The following NUP160 variants were observed in gnomAD, a reference collection of about 807,000 sequenced individuals.
NUP160 encodes the protein nuclear pore complex protein Nup160.
NUP160 carries 94 observed loss-of-function variants against 196.9 expected under a neutral mutation model. That is an observed-to-expected ratio of 0.48 (90% CI 0.40 to 0.57). The LOEUF (loss-of-function observed/expected upper bound fraction) is 0.57. Ranked by LOEUF, NUP160 falls within the 20% of genes least tolerant of loss-of-function variation. The probability of loss-of-function intolerance (pLI) is 0.00; values close to 1 mark genes in which losing one functional copy is unlikely to be tolerated. For missense variants in NUP160, 1,638 were observed against 1,748.3 expected (o/e 0.94, Z 1.13); for synonymous variants, 605 against 619.7 (o/e 0.98, Z 0.35).
chr11:47,778,684 T>C (rs1758361957), exon 36 of NUP160: 1 of 163,498 alleles, frequency 6.1e-6, no homozygotes. Flanking sequence ...ACCAAAATAA[T>C]TGCATTAAAA....
exon 36 of NUP160, chr11:47,779,062 T>C (rs1356440401): frequency 1.4e-6 from 2 of 1,435,030 alleles, no homozygotes; most frequent in East Asian, 2.3e-5. Flanking sequence ...TCTTAAGTCC[T>C]AAGAGGCACC....
chr11:47,813,141 AATCT>A (rs2097682122), intron 14 of NUP160, 94 bp from the exon 15 acceptor site: 3 of 1,062,662 alleles, frequency 2.8e-6, no homozygotes, highest in South Asian at 3.0e-5. Flanking sequence ...AATGACAAGA[AATCT>A]ATCTGAGGTC....
intron 11 of NUP160, 141 bp downstream of exon 11, chr11:47,817,915 T>C: frequency 1.8e-6 from 1 of 549,108 alleles, no homozygotes; most frequent in Non-Finnish European, 3.3e-6. Flanking sequence ...TTAAAAAAAT[T>C]ATAAAAGTAT....
At chr11:47,782,215 C>T (rs544213249) in intron 34 of NUP160, among the ~76,000 whole-genome samples, 3 of 148,058 alleles carry the variant, frequency 2.0e-5, no homozygotes, top group Admixed American at 6.8e-5. Context: ...ACCCGGGAGG[C>T]GGAGGCTGCA....
In NUP160 at chr11:47,785,103, T is replaced by TTTTTTTTTTTTTTTTTTTTGAGACGG; in HGVS notation, c.3849-41_3849-40insCCGTCTCAAAAAAAAAAAAAAAAAAA. 15 of 1,086,542 alleles carry TTTTTTTTTTTTTTTTTTTTGAGACGG rather than the reference T, an allele frequency of 1.4e-5. 1 individual carries two copies. The highest frequency in any genetic ancestry group is 1.9e-5 in the Non-Finnish European group (15 of 771,752). The allele number at this position is 1,086,542 out of a possible 1,614,324, so 67.3% of individuals were successfully genotyped here. A position where few individuals can be genotyped will look rare whatever the true frequency, so the allele number is the denominator to read the frequency against. ...AAATGACTAATGAGTTTCAGATTCT[T>TTTTTTTTTTTTTTTTTTTTGAGACGG]AATAGCTATTTAGAGTACCATTCAA... On this transcript the variant is annotated intron_variant, in intron 32 of 35. Coordinates refer to ENST00000378460, the Ensembl canonical transcript of NUP160.
chr11:47,792,527 A>G lies in NUP160; in HGVS notation c.3450+259T>C, dbSNP rs2097668456. On this transcript the variant is annotated intron_variant, in intron 28 of 35. Transcript: ENST00000378460. The stretch of plus-strand genomic sequence containing the variant: ...GCCAGAGAATGACAAAAGATTAAGT[A>G]ACTTGTCTGAATTGGGTCAGGTCTA... 31 of 343,862 alleles carry G rather than the reference A, an allele frequency of 9.0e-5. No individual in the cohort carries two copies. The South Asian group carries it at 1.4e-3, about 16-fold the overall frequency. 21.3% of individuals were successfully genotyped at this position (343,862 alleles called of 1,614,324 possible). A position where few individuals can be genotyped will look rare whatever the true frequency, so the allele number is the denominator to read the frequency against.
chr11:47,805,972 CCTGA>C (rs1378900975), intron 20 of NUP160, among the ~76,000 whole-genome samples, 177 bp downstream of exon 20: 1 of 151,870 alleles, frequency 6.6e-6, no homozygotes, highest in Non-Finnish European at 1.5e-5. Context: ...GGCCACCACG[CCTGA>C]CTAATTTTTG....
chr11:47,782,291 A>T (rs1466133574), intron 34 of NUP160, among the ~76,000 whole-genome samples: 2 of 31,004 alleles, frequency 6.5e-5, no homozygotes, highest in Non-Finnish European at 1.2e-4. Flanking sequence ...AACTCAGTTA[A>T]AAAAAAAAAA....
intron 17 of NUP160, among the ~76,000 whole-genome samples, chr11:47,810,306 T>A (rs2135373011): frequency 6.6e-6 from 1 of 152,100 alleles, no homozygotes; most frequent in Non-Finnish European, 1.5e-5. Flanking sequence ...CAGGTAATTC[T>A]CCCATCTCAG....
intron 7 of NUP160, among the ~76,000 whole-genome samples, chr11:47,824,306 T>TA (rs897478694): frequency 7.9e-5 from 12 of 151,420 alleles, no homozygotes; most frequent in Admixed American, 1.3e-4. Flanking sequence ...CTCACTGTGG[T>TA]AAAAAAAATT....
At chr11:47,780,538 C>CA in intron 34 of NUP160, 91 bp from the exon 35 acceptor site, 2 of 614,130 alleles carry the variant, frequency 3.3e-6, no homozygotes, top group East Asian at 6.9e-5. Flanking sequence ...GAATAAAATA[C>CA]CCTTTTTTTT....
chr11:47,841,495 G>T, intron 2 of NUP160: 1 of 406,626 alleles, frequency 2.5e-6, no homozygotes, highest in Non-Finnish European at 4.9e-6. Context: ...TGAAGCTCTA[G>T]ATTGGGTCAT....
intron 2 of NUP160, among the ~76,000 whole-genome samples, chr11:47,842,097 C>A (rs990081646): frequency 6.6e-6 from 1 of 151,992 alleles, no homozygotes; most frequent in Non-Finnish European, 1.5e-5. Context: ...CATATGTGAC[C>A]TTGCCTTCCT....
At chr11:47,787,102 A>ATTTTTTT (rs2097664972) in intron 31 of NUP160, 2 of 7,240 alleles carry the variant, frequency 2.8e-4, no homozygotes, top group Non-Finnish European at 1.1e-3. Context: ...TTTTTTTTTA[A>ATTTTTTT]ATTAAGATGG....
chr11:47,779,263 A>C (rs560746533), intron 35 of NUP160, 69 bp from the exon 36 acceptor site: 2 of 999,670 alleles, frequency 2.0e-6, no homozygotes, highest in Non-Finnish European at 3.0e-6. Flanking sequence ...GTTATTAATA[A>C]CTTTGACTTC....
chr11:47,817,951 C>G (rs1851771575), intron 11 of NUP160, 105 bp downstream of exon 11: 1 of 607,446 alleles, frequency 1.6e-6, no homozygotes, highest in African/African-American at 1.9e-5. Context: ...TGTATGAATA[C>G]AGAAGTACAT....
chr11:47,798,061 A>G lies in NUP160; in HGVS notation c.3100T>C (p.Leu1034=), dbSNP rs1299439585. The G allele has an allele frequency of 6.3e-7, 1 of 1,581,018 alleles. No homozygotes were observed. The highest frequency in any genetic ancestry group is 8.6e-7 in the Non-Finnish European group (1 of 1,160,754). ...CAAAGAACTACCACCAACTGCCGTA[A>G]ACAATCTAATTGCCTAGAAGGAAAG... The change falls in exon 26 of 36, where the codon TTA becomes CTA. Residue 1034 remains leucine (L), a synonymous_variant. Transcript: ENST00000378460.
chr11:47,841,400 A>AC, intron 2 of NUP160: 1 of 459,880 alleles, frequency 2.2e-6, no homozygotes, highest in Non-Finnish European at 4.2e-6. Flanking sequence ...ATCCTGACCA[A>AC]CCGCTCAGAA....
intron 34 of NUP160, among the ~76,000 whole-genome samples, 155 bp from the exon 35 acceptor site, chr11:47,780,602 T>A (rs971289085): frequency 2.0e-5 from 3 of 149,934 alleles, no homozygotes; most frequent in Admixed American, 1.3e-4. Context: ...AGTGGCACAA[T>A]CTCAGCTCAC....
Sources: allele counts gnomAD v4.1 joint callset (sites outside exome capture counted in the v4.1 genomes callset), GRCh38; gene constraint gnomAD v4.1.1; transcripts MANE v1.5; gene names NCBI Gene and HGNC (gene_info 2026-07-23, HGNC 2026-07-21).